The following FMNL3 variants were observed in gnomAD, a reference collection of about 807,000 sequenced individuals.
FMNL3 encodes the protein formin like 3, also known as formin-like protein 3.
Under a neutral mutation model 119.6 loss-of-function variants are expected in FMNL3, and 57 were observed. The ratio of observed to expected loss-of-function variants is 0.48; its 90% CI spans 0.39 to 0.59. The LOEUF (loss-of-function observed/expected upper bound fraction) is 0.59. Ranked by LOEUF, FMNL3 falls within the 20% of genes least tolerant of loss-of-function variation. The pLI is 0.00. For synonymous variants in FMNL3, 491 were observed against 507.3 expected (o/e 0.97, Z 0.43); for missense variants, 1,053 against 1,323.5 (o/e 0.80, Z 3.17).
At chr12:49,677,053 T>C (rs1468290755) in intron 1 of FMNL3, among the ~76,000 whole-genome samples, 2 of 152,186 alleles carry the variant, frequency 1.3e-5, no homozygotes, top group Non-Finnish European at 2.9e-5. Context: ...CTAAGTTTTC[T>C]ACTCCATTGT....
intron 1 of FMNL3, among the ~76,000 whole-genome samples, chr12:49,685,638 T>C (rs1944437844): frequency 6.6e-6 from 1 of 152,180 alleles, no homozygotes. Flanking sequence ...GTACGTGCTG[T>C]TCAGTGACTT....
intron 1 of FMNL3, among the ~76,000 whole-genome samples, chr12:49,702,825 C>CTG (rs1944945541): frequency 1.3e-5 from 2 of 152,176 alleles, no homozygotes; most frequent in African/African-American, 4.8e-5. Context: ...TGAACTAATT[C>CTG]ACCACAATCC....
At chr12:49,678,303 G>A (rs1002736975) in intron 1 of FMNL3, among the ~76,000 whole-genome samples, 11 of 150,222 alleles carry the variant, frequency 7.3e-5, no homozygotes, top group Admixed American at 3.3e-4. Context: ...GACTACAGGC[G>A]CGCACCACCA....
chr12:49,697,310 C>A (rs927283845), intron 1 of FMNL3, among the ~76,000 whole-genome samples: 2 of 152,124 alleles, frequency 1.3e-5, no homozygotes, highest in African/African-American at 4.8e-5. Context: ...TAAAGGTGTG[C>A]TAGGAAATGG....
At chr12:49,691,251 G>T (rs763739890) in intron 1 of FMNL3, among the ~76,000 whole-genome samples, 1 of 152,006 alleles carries the variant, frequency 6.6e-6, no homozygotes, top group Non-Finnish European at 1.5e-5. Flanking sequence ...ATGGTGCCTG[G>T]TATACCATTA....
intron 6 of FMNL3, among the ~76,000 whole-genome samples, chr12:49,658,109 A>G (rs939795408): frequency 6.6e-5 from 10 of 152,098 alleles, no homozygotes. Context: ...AAGGCCATGG[A>G]CCTGTATGAG....
At chr12:49,668,213 C>A (rs1297907521) in intron 2 of FMNL3, among the ~76,000 whole-genome samples, 1 of 152,242 alleles carries the variant, frequency 6.6e-6, no homozygotes, top group African/African-American at 2.4e-5. Flanking sequence ...TACCCCTGAT[C>A]TACACAAATC....
chr12:49,692,519 G>C (rs1944632955), intron 1 of FMNL3, among the ~76,000 whole-genome samples: 1 of 152,082 alleles, frequency 6.6e-6, no homozygotes, highest in South Asian at 2.1e-4. Context: ...CAGTTAATAG[G>C]TTGGTGTTTA....
intron 6 of FMNL3, 135 bp downstream of exon 6, chr12:49,658,307 C>T (rs1198921470): frequency 1.6e-6 from 2 of 1,284,166 alleles, no homozygotes; most frequent in African/African-American, 3.0e-5. Context: ...CAGAGACAGA[C>T]TGGCAGGCAG....
chr12:49,642,230 C>A lies in FMNL3; in HGVS notation c.*3585G>T, dbSNP rs774645544. 29 of 1,614,018 alleles carry A rather than the reference C, an allele frequency of 1.8e-5. 1 individual carries two copies. The highest frequency in any genetic ancestry group is 2.4e-5 in the Non-Finnish European group (28 of 1,180,016). ...GACCCTGTTCCGTGTCCCTTCTTTCCTCAGCTGCTGGAGAAAGCAGAGGCA... is the reference window on the plus strand; with the variant it reads ...GACCCTGTTCCGTGTCCCTTCTTTCATCAGCTGCTGGAGAAAGCAGAGGCA... On this transcript the variant is annotated 3_prime_UTR_variant, in exon 26 of 26. Transcript: ENST00000335154. This position sits in a 1 kb window ranked among gnomAD's most constrained non-coding sequence, Gnocchi z 5.8.
At chr12:49,645,935 A>T in intron 25 of FMNL3, 32 bp from the exon 26 acceptor site, 2 of 1,596,028 alleles carry the variant, frequency 1.3e-6, no homozygotes, top group Non-Finnish European at 1.7e-6. Context: ...TGTGAACAGG[A>T]TGGGAGGGTG....
intron 1 of FMNL3, among the ~76,000 whole-genome samples, chr12:49,697,921 C>G (rs1338527616): frequency 1.3e-5 from 2 of 151,818 alleles, no homozygotes; most frequent in Non-Finnish European, 2.9e-5. Context: ...AACCAATGGT[C>G]TACTGCTTCC....
chr12:49,646,633 C>T, intron 25 of FMNL3: 1 of 1,518,392 alleles, frequency 6.6e-7, no homozygotes, highest in Non-Finnish European at 8.8e-7. Flanking sequence ...CTGCGGTGCC[C>T]AGTACCTGTC....
At chr12:49,705,720 G>A (rs1377767894) in intron 1 of FMNL3, among the ~76,000 whole-genome samples, 1 of 152,222 alleles carries the variant, frequency 6.6e-6, no homozygotes, top group Non-Finnish European at 1.5e-5. Flanking sequence ...AATGCAGAGG[G>A]CCACAGGATG....
At chr12:49,655,684 C>T (rs1290360282) in intron 9 of FMNL3, among the ~76,000 whole-genome samples, 2 of 151,974 alleles carry the variant, frequency 1.3e-5, no homozygotes, top group Non-Finnish European at 2.9e-5. Context: ...AGGGGAAGGG[C>T]CAGTGTACAG....
rs1943004144 is a variant in FMNL3, at chr12:49,643,880, C to T, written c.*1935G>A. ...TTACAGAATAGTCCTGAGAGTGAGA[C>T]AGACCCTGAGGAGAAAGCTGGCAAG... is the stretch of plus-strand genomic sequence containing the variant. On this transcript the variant is annotated 3_prime_UTR_variant, in exon 26 of 26. Transcript: ENST00000335154. 1 of 1,614,048 alleles carries T rather than the reference C, an allele frequency of 6.2e-7. No individual in the cohort carries two copies. Among genetic ancestry groups the T allele is most frequent in the South Asian group, 1.1e-5 (1 of 91,090 alleles).
At position 49,652,178 on chromosome 12, in the gene FMNL3, G is replaced by T; in HGVS notation, c.1358C>A (p.Thr453Asn). 1 of 1,613,250 alleles carries T rather than the reference G, an allele frequency of 6.2e-7. No homozygotes were observed. Residue 453 changes from threonine (T) to asparagine (N), a missense_variant, in exon 14 of 26, where the codon ACC becomes AAC. Around this residue, in one of 4 missense-constraint regions of FMNL3, gnomAD observed 445 missense variants for 628.4 expected, o/e 0.71. Coordinates refer to ENST00000335154, the MANE Select transcript of FMNL3 (RefSeq NM_175736.5). ...CTTCTCTTTAATGAGCCTCCGCAGG[G>T]TGTGCACCTGGTGGCTTGTGTTCTC... ...TYENTSHQVH[T>N]LRRLIKEKEE...
In FMNL3 at chr12:49,704,792, C is replaced by T. The variant is rs1945003670; in HGVS notation, c.126+2263G>A. Among the ~76,000 whole-genome samples, 4 of 148,974 alleles carry T rather than the reference C, an allele frequency of 2.7e-5. No homozygotes were observed. In the South Asian group the frequency reaches 6.4e-4, roughly 24 times the overall value. ...TACTGGGTGCCAAGCACCTTATATA[C>T]AGGGGCTCACCTAATTCTCACAATC... is the stretch of plus-strand genomic sequence containing the variant. On this transcript the variant is annotated intron_variant, in intron 1 of 25. Transcript: ENST00000335154.
rs1394206722 is a variant in FMNL3, at chr12:49,706,897, G to C, written c.126+158C>G. Among the ~76,000 whole-genome samples the C allele has an allele frequency of 2.0e-5, 3 of 152,066 alleles. No homozygotes were observed. In the East Asian group the frequency reaches 5.8e-4, roughly 29 times the overall value. The stretch of plus-strand genomic sequence containing the variant: ...GACGGGGCTGTCCGGGCCGGCCAGC[G>C]GCTGCTCAGAGGTTCCTGGGAAGAC... On this transcript the variant is annotated intron_variant, in intron 1 of 25. Transcript: ENST00000335154.
Sources: allele counts gnomAD v4.1 joint callset (sites outside exome capture counted in the v4.1 genomes callset), GRCh38; gene constraint gnomAD v4.1.1; regional missense constraint gnomAD v4.1.1; non-coding constraint Gnocchi (gnomAD v3.1); transcripts MANE v1.5; gene names NCBI Gene and HGNC (gene_info 2026-07-23, HGNC 2026-07-21).